Variants in CTBP2 observed in about 807,000 individuals in gnomAD.
CTBP2 encodes C-terminal-binding protein 2.
CTBP2 carries 30 observed loss-of-function variants against 80.3 expected under a neutral mutation model. That is an observed-to-expected ratio of 0.37 (90% CI 0.28 to 0.51). The LOEUF (loss-of-function observed/expected upper bound fraction) is 0.51. Ranked by LOEUF, CTBP2 falls within the 20% of genes least tolerant of loss-of-function variation. CTBP2 has a pLI of 0.93. For synonymous variants in CTBP2, 594 were observed against 587.4 expected, an observed-to-expected ratio of 1.01 and a Z score of -0.16; for missense variants, 1,212 against 1,375.3, an observed-to-expected ratio of 0.88 and a Z score of 1.88.
intron 1 of CTBP2, among the ~76,000 whole-genome samples, chr10:125,011,687 G>A (rs779086182): frequency 2.0e-5 from 3 of 152,212 alleles, no homozygotes; most frequent in Non-Finnish European, 4.4e-5. Context: ...AGAGCCCCTG[G>A]GGAAGCTGCA....
At chr10:124,990,647 A>ATGT (rs1328237831) in intron 8 of CTBP2, among the ~76,000 whole-genome samples, 1 of 152,254 alleles carries the variant, frequency 6.6e-6, no homozygotes, top group Non-Finnish European at 1.5e-5. Context: ...TAGGGACTCA[A>ATGT]TGTTTGTCTC....
intron 3 of CTBP2, among the ~76,000 whole-genome samples, chr10:125,038,022 C>T (rs565553562): frequency 6.6e-6 from 1 of 152,292 alleles, no homozygotes; most frequent in East Asian, 1.9e-4. Context: ...CCTTTAACGC[C>T]AAACTCCTTA....
chr10:125,031,931 T>G (rs1590204189), upstream of CTBP2, among the ~76,000 whole-genome samples: 1 of 152,350 alleles, frequency 6.6e-6, no homozygotes, highest in African/African-American at 2.4e-5. Context: ...CTCTCAGTAT[T>G]TAGCCATGGT....
intron 3 of CTBP2, among the ~76,000 whole-genome samples, chr10:125,036,883 T>C (rs555816679): frequency 6.6e-6 from 1 of 152,246 alleles, no homozygotes; most frequent in African/African-American, 2.4e-5. Context: ...GGGTGCCACC[T>C]GTCCTGACCC....
rs1399917079 is a variant in CTBP2, at chr10:125,026,139, C to T, written c.1621G>A (p.Val541Met). ...ATGGGTGCCCCTGTGCGCCGGGCCA[C>T]CTTCTGGTACGGTGAGTGAGGCGTG... Residue 541 changes from valine (V) to methionine (M), a missense_variant, in exon 1 of 9, where the codon GTG becomes ATG. Coordinates refer to ENST00000309035, the MANE Select transcript of CTBP2 (RefSeq NM_022802.3). The T allele has an allele frequency of 6.2e-7, 1 of 1,600,232 alleles. No individual in the cohort carries two copies. The highest frequency in any genetic ancestry group is 8.5e-7 in the Non-Finnish European group (1 of 1,169,744).
intron 2 of CTBP2, among the ~76,000 whole-genome samples, chr10:125,077,123 G>A (rs1846389317): frequency 6.6e-6 from 1 of 152,144 alleles, no homozygotes; most frequent in Non-Finnish European, 1.5e-5. Context: ...GTGTCCAGAA[G>A]CACTCACCCC....
intron 2 of CTBP2, among the ~76,000 whole-genome samples, chr10:125,061,548 A>G (rs890346776): frequency 2.0e-5 from 3 of 152,072 alleles, no homozygotes; most frequent in African/African-American, 4.8e-5. Flanking sequence ...AATCCCACAC[A>G]TCCCAGTTCC....
chr10:124,989,474 T>G lies in CTBP2; in HGVS notation c.*44A>C. The G allele has an allele frequency of 6.4e-7, 1 of 1,556,940 alleles. No homozygotes were observed. Among genetic ancestry groups the G allele is most frequent in the Non-Finnish European group, 8.9e-7 (1 of 1,129,796 alleles). ...TAGTTCATCTATTTTTCACTGTCTC[T>G]TGGTCCCAAGTGTATCTGAGTGATT... On this transcript the variant is annotated 3_prime_UTR_variant, in exon 9 of 9. Coordinates refer to ENST00000309035, the MANE Select transcript of CTBP2 (RefSeq NM_022802.3).
rs549048223 is a variant in CTBP2 at position 125,043,930 on chromosome 10, C to A, written c.-101-4775G>T. 6.6e-5 allele frequency among the ~76,000 whole-genome samples: 10 copies of A among 152,278 alleles called. No homozygotes were observed. The East Asian group carries it at 1.9e-3, about 29-fold the overall frequency. The stretch of plus-strand genomic sequence containing the variant: ...TAAACATTCTGTTAATAAAGGCAGA[C>A]CGAGTTTCACAATATGCTCACAAAT... On this transcript the variant is annotated intron_variant, in intron 2 of 10. Coordinates refer to the CTBP2 transcript ENST00000337195.
chr10:125,028,889 G>A (rs187269865), upstream of CTBP2, among the ~76,000 whole-genome samples: 2 of 152,292 alleles, frequency 1.3e-5, no homozygotes, highest in East Asian at 1.9e-4. Context: ...GACTTCAGGC[G>A]CAATAATGCA....
intron 3 of CTBP2, among the ~76,000 whole-genome samples, chr10:125,002,426 G>T (rs1954655831): frequency 6.6e-6 from 1 of 152,196 alleles, no homozygotes; most frequent in South Asian, 2.1e-4. Context: ...CTTTTCTTCG[G>T]AAGCCTCTGT....
intron 1 of CTBP2, among the ~76,000 whole-genome samples, chr10:125,007,364 T>A (rs948887923): frequency 6.6e-6 from 1 of 152,278 alleles, no homozygotes; most frequent in Non-Finnish European, 1.5e-5. Context: ...CTGGGCCTGG[T>A]ATTGCTTAGA....
intron 2 of CTBP2, among the ~76,000 whole-genome samples, chr10:125,042,630 A>C (rs1294960339): frequency 6.6e-6 from 1 of 152,060 alleles, no homozygotes; most frequent in South Asian, 2.1e-4. Flanking sequence ...TTGTCTGTAG[A>C]ATGGGATGTC....
intron 1 of CTBP2, among the ~76,000 whole-genome samples, chr10:125,018,431 A>T (rs1266543532): frequency 6.6e-6 from 1 of 152,190 alleles, no homozygotes; most frequent in Non-Finnish European, 1.5e-5. Context: ...CAGAGGTTGC[A>T]GTGAGCCGAG....
rs1952023796 is a variant in CTBP2, at chr10:124,985,951, A to T, written c.*3567T>A. 6.6e-6 allele frequency: 1 copy of T among 152,254 alleles called. No individual in the cohort carries two copies. The highest frequency in any genetic ancestry group is 1.9e-4 in the East Asian group (1 of 5,206). The allele number at this position is 152,254 out of a possible 1,614,324, so 9.4% of individuals were successfully genotyped here. A position where few individuals can be genotyped will look rare whatever the true frequency, so the allele number is the denominator to read the frequency against. On this transcript the variant is annotated 3_prime_UTR_variant, in exon 9 of 9. Transcript: ENST00000309035. ...TTGTTAGAAGGGCATGCCTTTGCTT[A>T]GGCAGATTGGGAATACCAATTCACT... is the stretch of plus-strand genomic sequence containing the variant.
intron 2 of CTBP2, among the ~76,000 whole-genome samples, chr10:125,055,414 T>C (rs1358868343): frequency 6.6e-6 from 1 of 152,158 alleles, no homozygotes; most frequent in Non-Finnish European, 1.5e-5. Context: ...CCCTGGATGA[T>C]TTCCTAGGAT....
At chr10:125,006,659 C>G in intron 1 of CTBP2, among the ~76,000 whole-genome samples, 1 of 152,214 alleles carries the variant, frequency 6.6e-6, no homozygotes, top group East Asian at 1.9e-4. Flanking sequence ...GGATTCCTGA[C>G]GCCTCTTTCA....
intron 2 of CTBP2, among the ~76,000 whole-genome samples, chr10:125,060,982 C>T (rs937519910): frequency 4.6e-5 from 7 of 152,218 alleles, no homozygotes; most frequent in African/African-American, 1.4e-4. Flanking sequence ...CAGGGGTGCA[C>T]GCTAGGGCAG....
intron 2 of CTBP2, among the ~76,000 whole-genome samples, chr10:125,082,661 C>T (rs1847355199): frequency 6.7e-6 from 1 of 149,436 alleles, no homozygotes; most frequent in African/African-American, 2.5e-5. Flanking sequence ...GATCTCAGCT[C>T]ACTGCAACCT....
Sources: gnomAD v4.1 joint callset for allele counts (sites outside exome capture counted in the v4.1 genomes callset) on GRCh38, gnomAD v4.1.1 for gene constraint, MANE v1.5 for transcripts, NCBI Gene and HGNC (gene_info 2026-07-23, HGNC 2026-07-21) for gene names.